The following NBEA variants were observed in gnomAD, a reference collection of about 807,000 sequenced individuals.
The protein encoded by NBEA is lysosomal-trafficking regulator 2.
A neutral mutation model predicts 343.4 loss-of-function variants in NBEA; 44 were observed. The ratio of observed to expected loss-of-function variants is 0.13; its 90% CI spans 0.10 to 0.16. The LOEUF is 0.16. Ranked by LOEUF, NBEA falls within the 10% of genes least tolerant of loss-of-function variation. The probability of loss-of-function intolerance (pLI) is 1.00; values close to 1 mark genes in which losing one functional copy is unlikely to be tolerated. For missense variants in NBEA, 2,555 were observed against 3,631.3 expected (o/e 0.70, Z 7.62); for synonymous variants, 1,175 against 1,238.7 (o/e 0.95, Z 1.08).
intron 41 of NBEA, among the ~76,000 whole-genome samples, chr13:35,513,170 T>C (rs1302028820): frequency 1.3e-5 from 2 of 151,006 alleles, no homozygotes; most frequent in African/African-American, 4.9e-5. Flanking sequence ...GGAGTCTTGC[T>C]CTGTCACCCA....
chr13:34,957,117 G>A (rs2059523226), intron 1 of NBEA, among the ~76,000 whole-genome samples: 1 of 151,810 alleles, frequency 6.6e-6, no homozygotes, highest in African/African-American at 2.4e-5. Context: ...ACCCACCATA[G>A]TGATATTTAT....
At chr13:35,650,257 C>T (rs899981687) in intron 52 of NBEA, among the ~76,000 whole-genome samples, 3 of 152,114 alleles carry the variant, frequency 2.0e-5, no homozygotes, top group African/African-American at 4.8e-5. Context: ...ATTTATTTAG[C>T]AAATATTTGA....
chr13:35,327,939 A>G (rs2038681141), intron 36 of NBEA, among the ~76,000 whole-genome samples: 1 of 151,934 alleles, frequency 6.6e-6, no homozygotes, highest in Non-Finnish European at 1.5e-5. Context: ...CAAACTACAA[A>G]TTAAGTTGAA....
chr13:35,439,535 T>A (rs1237263597), intron 39 of NBEA, among the ~76,000 whole-genome samples: 2 of 152,208 alleles, frequency 1.3e-5, no homozygotes, highest in African/African-American at 4.8e-5. Context: ...TGATGACAAG[T>A]CACTTCATAA....
At chr13:35,613,326 AT>A (rs1407760896) in intron 48 of NBEA, among the ~76,000 whole-genome samples, 1 of 150,244 alleles carries the variant, frequency 6.7e-6, no homozygotes, top group African/African-American at 2.4e-5. Flanking sequence ...GGCCTATTTT[AT>A]TTAACATAAT....
At chr13:35,115,945 G>A (rs1269853071) in intron 13 of NBEA, among the ~76,000 whole-genome samples, 1 of 152,088 alleles carries the variant, frequency 6.6e-6, no homozygotes, top group African/African-American at 2.4e-5. Flanking sequence ...TTTATTAATT[G>A]GTAGCAGAAA....
chr13:35,637,843 T>C (rs954962343), intron 49 of NBEA, among the ~76,000 whole-genome samples: 1 of 148,558 alleles, frequency 6.7e-6, no homozygotes, highest in Non-Finnish European at 1.5e-5. Context: ...AAAAAAAAAG[T>C]TGAAAGCAAC....
intron 1 of NBEA, among the ~76,000 whole-genome samples, chr13:34,980,648 C>T (rs996410886): frequency 5.3e-5 from 8 of 151,628 alleles, no homozygotes; most frequent in African/African-American, 7.3e-5. Context: ...TGTTGAATGT[C>T]GGTGATGAAA....
At chr13:35,024,305 G>A (rs970922086) in intron 1 of NBEA, among the ~76,000 whole-genome samples, 1 of 152,178 alleles carries the variant, frequency 6.6e-6, no homozygotes, top group Non-Finnish European at 1.5e-5. Context: ...GAACATACAA[G>A]TGCGTGTTGC....
chr13:35,301,668 T>G (rs1451796718), intron 35 of NBEA, among the ~76,000 whole-genome samples: 1 of 152,200 alleles, frequency 6.6e-6, no homozygotes, highest in Non-Finnish European at 1.5e-5. Flanking sequence ...TGTGTTTTTA[T>G]AGTGGAATGA....
At chr13:35,200,972 A>T (rs1216033381) in intron 31 of NBEA, among the ~76,000 whole-genome samples, 1 of 148,182 alleles carries the variant, frequency 6.7e-6, no homozygotes, top group Non-Finnish European at 1.5e-5. Flanking sequence ...ATGAAAAATT[A>T]TAATTACTTC....
chr13:35,104,010 A>G (rs1046237111), intron 11 of NBEA, among the ~76,000 whole-genome samples: 2 of 151,816 alleles, frequency 1.3e-5, no homozygotes, highest in Non-Finnish European at 2.9e-5. Flanking sequence ...TCCTTCTCAT[A>G]ATGAAGTCAT....
chr13:34,968,434 A>G (rs1282311763), intron 1 of NBEA, among the ~76,000 whole-genome samples: 1 of 152,184 alleles, frequency 6.6e-6, no homozygotes, highest in African/African-American at 2.4e-5. Context: ...GCTATGGTCA[A>G]AAGGGTCTTG....
intron 1 of NBEA, among the ~76,000 whole-genome samples, chr13:35,029,359 T>C (rs915195149): frequency 2.6e-5 from 4 of 151,506 alleles, no homozygotes; most frequent in African/African-American, 9.7e-5. Flanking sequence ...TAAATTGATA[T>C]TTGTAGATTT....
intron 13 of NBEA, among the ~76,000 whole-genome samples, chr13:35,113,627 ATCTGTCTG>A (rs1555307508): frequency 1.3e-5 from 2 of 150,610 alleles, no homozygotes; most frequent in African/African-American, 4.9e-5. Context: ...CTATCTATCT[ATCTGTCTG>A]TCTATCATCT....
At chr13:35,326,706 TC>T (rs1210629478) in intron 36 of NBEA, among the ~76,000 whole-genome samples, 3 of 151,984 alleles carry the variant, frequency 2.0e-5, no homozygotes, top group African/African-American at 4.8e-5. Context: ...AGCATTCATG[TC>T]CCGTTCCAGT....
intron 1 of NBEA, among the ~76,000 whole-genome samples, chr13:34,952,343 G>C (rs187306121): frequency 2.7e-4 from 41 of 152,288 alleles, no homozygotes. Context: ...TCAATTGAAT[G>C]GATTTGTACA....
intron 49 of NBEA, among the ~76,000 whole-genome samples, chr13:35,631,545 T>A (rs9788302): frequency 0.46 from 69,814 of 150,954 alleles, 16,501 homozygotes; most frequent in East Asian, 0.56. Flanking sequence ...CTAAACTCCA[T>A]CTAGCCTAAG....
intron 27 of NBEA, among the ~76,000 whole-genome samples, chr13:35,174,506 A>G (rs2070724433): frequency 6.6e-6 from 1 of 152,128 alleles, no homozygotes; most frequent in African/African-American, 2.4e-5. Context: ...TAAAAGTTCT[A>G]TTGCTTTAAA....
Sources: allele counts gnomAD v4.1 joint callset (sites outside exome capture counted in the v4.1 genomes callset), GRCh38; gene constraint gnomAD v4.1.1; transcripts MANE v1.5; gene names NCBI Gene and HGNC (gene_info 2026-07-23, HGNC 2026-07-21).